The following WDR44 variants were observed in gnomAD, a reference collection of about 807,000 sequenced individuals.
WDR44 encodes WD repeat-containing protein 44.
In WDR44, 9 loss-of-function variants were observed where a neutral mutation model predicts 65.7. The ratio of observed to expected loss-of-function variants is 0.14; its 90% confidence interval spans 0.08 to 0.24. WDR44 has a LOEUF of 0.24. Among genes scored for constraint, WDR44 ranks in the 10% least tolerant of loss-of-function variants. The pLI is 1.00. For synonymous variants in WDR44, 220 were observed against 235.2 expected (o/e 0.94, Z 0.59); for missense variants, 425 against 670.9 (o/e 0.63, Z 4.05).
chrX:118,367,215 T>C (rs2056562545), intron 1 of WDR44, among the ~76,000 whole-genome samples: 1 of 112,350 alleles, frequency 8.9e-6, no homozygotes, highest in Non-Finnish European at 1.9e-5. Context: ...GGGTTTATAA[T>C]ATTATTCTCC....
intron 1 of WDR44, among the ~76,000 whole-genome samples, chrX:118,347,540 A>G (rs1307801236): frequency 8.9e-6 from 1 of 112,182 alleles, no homozygotes; most frequent in Non-Finnish European, 1.9e-5. Flanking sequence ...ATATATTTTC[A>G]TGCTGTAAGA....
chrX:118,346,457 TTCC>T lies in WDR44; in HGVS notation c.-43_-41del, dbSNP rs755235430. The T allele has an allele frequency of 2.6e-6, 3 of 1,136,474 alleles. No homozygotes were observed. The South Asian group carries it at 5.4e-5, about 21-fold the overall frequency. 93.7% of individuals were successfully genotyped at this position (1,136,474 alleles called of 1,213,427 possible). A position where few individuals can be genotyped will look rare whatever the true frequency, so the allele number is the denominator to read the frequency against. ...GACGAGGAGGAGACAAGAGTCACCC[TTCC>T]TCCAGGCGGCGCCGGCCCCCTCACC... On this transcript the variant is annotated 5_prime_UTR_variant, in exon 1 of 20. Coordinates refer to ENST00000254029, the MANE Select transcript of WDR44 (RefSeq NM_019045.5).
intron 17 of WDR44, among the ~76,000 whole-genome samples, chrX:118,443,119 A>G (rs947463176): frequency 8.9e-6 from 1 of 111,903 alleles, no homozygotes; most frequent in East Asian, 2.8e-4. Flanking sequence ...CTTGTATTCA[A>G]AACTTTACAT....
chrX:118,443,514 T>G (rs6603414), intron 17 of WDR44, 46 bp from the exon 18 acceptor site: 1 of 1,185,143 alleles, frequency 8.4e-7, no homozygotes, highest in Admixed American at 2.3e-5. Context: ...TTTAAACATA[T>G]ACACACACAC....
At chrX:118,358,144 T>C (rs1369594524) in intron 1 of WDR44, among the ~76,000 whole-genome samples, 3 of 112,410 alleles carry the variant, frequency 2.7e-5, no homozygotes, top group Non-Finnish European at 5.6e-5. Flanking sequence ...TTCTATAGGT[T>C]GTAGAAAGAA....
intron 13 of WDR44, among the ~76,000 whole-genome samples, chrX:118,433,763 C>G (rs759278373): frequency 9.0e-6 from 1 of 111,594 alleles, no homozygotes; most frequent in South Asian, 3.7e-4. Flanking sequence ...AAACACTTGC[C>G]TAGAACATAA....
chrX:118,442,013 A>AT (rs2057308316), intron 15 of WDR44, among the ~76,000 whole-genome samples: 1 of 112,258 alleles, frequency 8.9e-6, no homozygotes, highest in Non-Finnish European at 1.9e-5. Flanking sequence ...AAGTGCTGGG[A>AT]TTATAGGCGT....
chrX:118,369,672 G>C (rs1032806273), intron 1 of WDR44, among the ~76,000 whole-genome samples: 1 of 108,685 alleles, frequency 9.2e-6, no homozygotes, highest in Non-Finnish European at 1.9e-5. Context: ...GTTTCACCGT[G>C]TTAGCCAGGA....
At chrX:118,368,712 CTTTTTTTTT>C (rs57659623) in intron 1 of WDR44, among the ~76,000 whole-genome samples, 1 of 70,833 alleles carries the variant, frequency 1.4e-5, no homozygotes, top group Non-Finnish European at 2.4e-5. Flanking sequence ...CATACTCTTC[CTTTTTTTTT>C]TTTTTTTTTT....
At chrX:118,351,485 A>G (rs1488121544) in intron 1 of WDR44, among the ~76,000 whole-genome samples, 2 of 112,390 alleles carry the variant, frequency 1.8e-5, no homozygotes, top group Non-Finnish European at 3.7e-5. Flanking sequence ...TTTCCTTAAA[A>G]ATGGCTGTTT....
In WDR44 at chrX:118,387,375, G is replaced by A. The variant is rs17318100; in HGVS notation, c.147G>A (p.Glu49=). ...ACACTGCATACAAAGTTGGAAATGAGTCCCCTGTACAAGAATTGAAACAAG... is the reference window on the plus strand; with the variant it reads ...ACACTGCATACAAAGTTGGAAATGAATCCCCTGTACAAGAATTGAAACAAG... The part of the protein sequence containing the change: ...TENTAYKVGN[E]SPVQELKQDV... The change falls in exon 3 of 20, where the codon GAG becomes GAA. Residue 49 remains glutamate, a synonymous_variant. Transcript: ENST00000254029. 154,110 of 1,197,447 alleles carry A rather than the reference G, an allele frequency of 0.13. 8,008 individuals carry two copies. The highest frequency in any genetic ancestry group is 0.33 in the Admixed American group (14,633 of 43,685).
intron 13 of WDR44, 50 bp downstream of exon 13, chrX:118,432,944 G>A: frequency 9.3e-7 from 1 of 1,070,271 alleles, no homozygotes; most frequent in South Asian, 2.0e-5. Context: ...ATAAGGAGCT[G>A]ATGCTGTAGT....
chrX:118,358,889 A>G (rs762644995), intron 1 of WDR44, among the ~76,000 whole-genome samples: 4 of 111,361 alleles, frequency 3.6e-5, no homozygotes, highest in South Asian at 3.8e-4. Context: ...CCTGGCCAAC[A>G]TGGTGAAACT....
At chrX:118,443,424 C>T in intron 17 of WDR44, 136 bp from the exon 18 acceptor site, 3 of 726,036 alleles carry the variant, frequency 4.1e-6, no homozygotes. Flanking sequence ...TAGAGTGAGA[C>T]CATGGGTCTA....
chrX:118,357,940 G>A (rs1020236264), intron 1 of WDR44, among the ~76,000 whole-genome samples: 2 of 111,049 alleles, frequency 1.8e-5, no homozygotes, highest in African/African-American at 3.3e-5. Context: ...TTGGGAGGCC[G>A]AGGCGGGCAG....
rs1446408704 is a variant in WDR44 at position 118,423,172 on chromosome X, G to GT, written c.1738-9607dup. ...AAATAAGTAAATTTTATAATATAAA[G>GT]TTGTTTTTTTTTTGAGATAGAGTTT... On this transcript the variant is annotated intron_variant, in intron 12 of 19. Transcript: ENST00000254029. 1.9e-4 allele frequency among the ~76,000 whole-genome samples: 21 copies of GT among 110,403 alleles called. No homozygotes were observed. In the East Asian group the frequency reaches 5.6e-3, roughly 29 times the overall value.
chrX:118,374,665 A>G (rs1376134593), intron 1 of WDR44, among the ~76,000 whole-genome samples: 1 of 111,737 alleles, frequency 8.9e-6, no homozygotes, highest in African/African-American at 3.3e-5. Flanking sequence ...GGAACTTGAC[A>G]GGCTATAGGG....
At chrX:118,446,600 T>C (rs1338083842) in intron 19 of WDR44, among the ~76,000 whole-genome samples, 1 of 111,565 alleles carries the variant, frequency 9.0e-6, no homozygotes, top group Non-Finnish European at 1.9e-5. Flanking sequence ...TCTCAAGTAA[T>C]TTTTTTGTAG....
intron 19 of WDR44, chrX:118,446,943 C>G (rs1476582470): frequency 4.3e-6 from 1 of 233,529 alleles, no homozygotes; most frequent in Non-Finnish European, 8.0e-6. Flanking sequence ...AATCATAGCT[C>G]ACTGCAACGT....
Sources: allele counts gnomAD v4.1 joint callset (sites outside exome capture counted in the v4.1 genomes callset), GRCh38; gene constraint gnomAD v4.1.1; transcripts MANE v1.5; gene names NCBI Gene and HGNC (gene_info 2026-07-23, HGNC 2026-07-21).